CCDC33: variants seen among roughly 807,000 people sequenced by gnomAD.
The protein encoded by CCDC33 is coiled-coil domain-containing protein 33.
A neutral mutation model predicts 91.9 loss-of-function variants in CCDC33; 94 were observed. The observed-to-expected ratio is 1.02, with a 90% CI of 0.87 to 1.21. CCDC33 has a LOEUF of 1.21. Among genes scored for constraint, CCDC33 ranks in the 50% most tolerant of loss-of-function variants. CCDC33 has a pLI of 0.00. For synonymous variants in CCDC33, 396 were observed against 374.5 expected (o/e 1.06, Z -0.66); for missense variants, 940 against 935.5 (o/e 1.00, Z -0.06).
chr15:74,237,429 A>G (rs1209026716), intron 1 of CCDC33, among the ~76,000 whole-genome samples: 1 of 152,238 alleles, frequency 6.6e-6, no homozygotes, highest in Non-Finnish European at 1.5e-5. Context: ...GTTAACCCAC[A>G]GGGATAGCAG....
intron 11 of CCDC33, among the ~76,000 whole-genome samples, chr15:74,310,641 A>C (rs2059975347): frequency 6.6e-6 from 1 of 152,134 alleles, no homozygotes; most frequent in African/African-American, 2.4e-5. Context: ...ACCCGCCAGC[A>C]GCGAGAGTGC....
upstream of CCDC33, among the ~76,000 whole-genome samples, chr15:74,215,885 A>AG (rs1369042092): frequency 2.6e-3 from 382 of 147,488 alleles, no homozygotes; most frequent in African/African-American, 9.4e-3. Context: ...AAAAAAAAAA[A>AG]AAAAGAAAGA....
chr15:74,245,660 C>G (rs945754966), intron 2 of CCDC33, among the ~76,000 whole-genome samples: 4 of 152,142 alleles, frequency 2.6e-5, no homozygotes, highest in Admixed American at 6.5e-5. Flanking sequence ...GCGGCAGGAG[C>G]CTAGGCGACA....
chr15:74,237,505 C>T (rs981899408), intron 1 of CCDC33, among the ~76,000 whole-genome samples: 4 of 152,228 alleles, frequency 2.6e-5, no homozygotes, highest in African/African-American at 9.7e-5. Flanking sequence ...TAGTTACACT[C>T]AGGTTGAATA....
intron 2 of CCDC33, among the ~76,000 whole-genome samples, chr15:74,230,621 C>G (rs146392888): frequency 2.0e-5 from 3 of 152,310 alleles, no homozygotes; most frequent in African/African-American, 7.2e-5. Context: ...CGTTGTCCAA[C>G]AACGAGAACA....
Position 74,224,419 on chromosome 15 carries a change from T to C in CCDC33, c.675+5558T>C, listed in dbSNP as rs1168235532. On this transcript the variant is annotated intron_variant, in intron 2 of 2. Transcript: ENST00000635913. ...ACAGTTTGAGGGAGTCCCATATTTG[T>C]GTCCTTGCCCAAGCCTGTCCCTCCA... Among the ~76,000 whole-genome samples the C allele has an allele frequency of 3.3e-5, 5 of 152,312 alleles. No individual in the cohort carries two copies. In the East Asian group the frequency reaches 5.8e-4, roughly 18 times the overall value.
chr15:74,250,085 A>G (rs1367209710), intron 2 of CCDC33, among the ~76,000 whole-genome samples: 1 of 151,478 alleles, frequency 6.6e-6, no homozygotes, highest in Non-Finnish European at 1.5e-5. Flanking sequence ...CCCTCATCCA[A>G]TCCATCACCA....
chr15:74,327,232 C>T (rs924145046), intron 11 of CCDC33, among the ~76,000 whole-genome samples: 4 of 152,166 alleles, frequency 2.6e-5, no homozygotes, highest in African/African-American at 9.7e-5. Flanking sequence ...CCAGCAGGGA[C>T]CGTCTGACTG....
chr15:74,248,928 A>G (rs993945051), intron 2 of CCDC33, among the ~76,000 whole-genome samples: 6 of 152,108 alleles, frequency 3.9e-5, no homozygotes, highest in African/African-American at 1.4e-4. Flanking sequence ...GCGATCTCTC[A>G]GGTAAAGGAA....
upstream of CCDC33, among the ~76,000 whole-genome samples, chr15:74,234,851 G>A (rs147378363): frequency 3.4e-4 from 52 of 152,344 alleles, no homozygotes; most frequent in African/African-American, 7.7e-4. Flanking sequence ...TGTCGGGAGC[G>A]GAGCGCTCGC....
intron 2 of CCDC33, among the ~76,000 whole-genome samples, chr15:74,224,676 C>T (rs2074730465): frequency 6.6e-6 from 1 of 152,200 alleles, no homozygotes; most frequent in South Asian, 2.1e-4. Flanking sequence ...GCCTCCACTT[C>T]CACGTCTGTA....
intron 8 of CCDC33, among the ~76,000 whole-genome samples, 195 bp downstream of exon 8, chr15:74,280,287 A>G (rs913942170): frequency 3.3e-5 from 5 of 152,140 alleles, no homozygotes; most frequent in African/African-American, 1.2e-4. Flanking sequence ...GGCCTGTCCC[A>G]TACTAGGTCT....
Position 74,280,734 on chromosome 15 carries a change from G to A in CCDC33, c.956G>A (p.Arg319His), listed in dbSNP as rs950076220. The A allele has an allele frequency of 2.1e-5, 33 of 1,577,684 alleles. No homozygotes were observed. Among genetic ancestry groups the A allele is most frequent in the East Asian group, 4.8e-5 (2 of 41,616 alleles). ...LGISVLPLKS[R>H]LYQKMLTGKG... The stretch of plus-strand genomic sequence containing the variant: ...ATCTCTGTGTTGCCGCTAAAGAGCC[G>A]TTTGTACCAGAAGATGCTGACAGGG... The change falls in exon 9 of 19, where the codon CGT becomes CAT. Residue 319 changes from arginine to histidine, a missense_variant. Physicochemically the swap from Arg to His is conservative, Grantham distance 29. Coordinates refer to ENST00000398814, the MANE Select transcript of CCDC33 (RefSeq NM_025055.5).
intron 11 of CCDC33, among the ~76,000 whole-genome samples, chr15:74,299,096 G>A (rs144527119): frequency 4.9e-4 from 74 of 152,328 alleles, no homozygotes; most frequent in African/African-American, 1.6e-3. Context: ...ATGCTAGGCC[G>A]GGATTCTGGG....
chr15:74,242,568 C>T (rs1235673209), intron 1 of CCDC33, among the ~76,000 whole-genome samples: 1 of 152,192 alleles, frequency 6.6e-6, no homozygotes, highest in Non-Finnish European at 1.5e-5. Context: ...AGGTCCATTG[C>T]TCCTCTCCCA....
intron 3 of CCDC33, among the ~76,000 whole-genome samples, chr15:74,263,130 A>T (rs1416035246): frequency 2.0e-5 from 3 of 152,222 alleles, no homozygotes; most frequent in Non-Finnish European, 4.4e-5. Context: ...AGTCCTCCCC[A>T]GGTGTCAGCC....
chr15:74,225,598 A>G (rs986643846), intron 2 of CCDC33, among the ~76,000 whole-genome samples: 1 of 151,590 alleles, frequency 6.6e-6, no homozygotes, highest in East Asian at 1.9e-4. Flanking sequence ...GGAAGCGCAC[A>G]TCCTCCCACA....
At chr15:74,204,259 G>A (rs1336295025) in intron 1 of CCDC33, among the ~76,000 whole-genome samples, 2 of 152,232 alleles carry the variant, frequency 1.3e-5, no homozygotes, top group African/African-American at 2.4e-5. Context: ...CCCGGAGGGC[G>A]GGACTCTATC....
At position 74,241,192 on chromosome 15, in the gene CCDC33, T is replaced by C. The variant is rs550041690; in HGVS notation, c.22-2793T>C. On this transcript the variant is annotated intron_variant, in intron 1 of 18. Coordinates refer to ENST00000398814, the MANE Select transcript of CCDC33 (RefSeq NM_025055.5). ...GATGGTGACAGGCCCTGCTGGGTCCTGGAAGAGGGTGGGGGTGGCCTCCTC... is the reference window on the plus strand; with the variant it reads ...GATGGTGACAGGCCCTGCTGGGTCCCGGAAGAGGGTGGGGGTGGCCTCCTC... Among the ~76,000 whole-genome samples the C allele has an allele frequency of 9.5e-4, 143 of 151,304 alleles. 6 individuals are homozygous for C. In the South Asian group the frequency reaches 0.028, roughly 30 times the overall value.
Sources: gnomAD v4.1 joint callset for allele counts (sites outside exome capture counted in the v4.1 genomes callset) on GRCh38, gnomAD v4.1.1 for gene constraint, MANE v1.5 for transcripts, NCBI Gene and HGNC (gene_info 2026-07-23, HGNC 2026-07-21) for gene names.